UNC5A: variants seen among roughly 807,000 people sequenced by gnomAD.
The protein encoded by UNC5A is unc-5 netrin receptor A.
Under a neutral mutation model 87.4 loss-of-function variants are expected in UNC5A, and 20 were observed. That is an observed-to-expected ratio of 0.23 (90% CI 0.16 to 0.33). UNC5A has a LOEUF of 0.33. Ranked by LOEUF, UNC5A falls within the 10% of genes least tolerant of loss-of-function variation. The pLI, the probability that UNC5A is intolerant of heterozygous loss-of-function variation, is 1.00. For missense variants in UNC5A, 844 were observed against 1,133.4 expected, an observed-to-expected ratio of 0.74 and a Z score of 3.67; for synonymous variants, 438 against 482.3, an observed-to-expected ratio of 0.91 and a Z score of 1.20.
chr5:176,821,946 C>CT (rs1375229761), intron 1 of UNC5A, among the ~76,000 whole-genome samples: 1 of 152,234 alleles, frequency 6.6e-6, no homozygotes, highest in Non-Finnish European at 1.5e-5. Flanking sequence ...CCCTCCTGGA[C>CT]TTTAGACTCT....
At chr5:176,858,028 C>G (rs978523965) in intron 1 of UNC5A, among the ~76,000 whole-genome samples, 3 of 152,238 alleles carry the variant, frequency 2.0e-5, no homozygotes, top group Admixed American at 6.5e-5. Context: ...TGTGTCCGCC[C>G]TGGCAGTGTT....
chr5:176,829,560 A>AGATGGATG (rs111829154), intron 1 of UNC5A, among the ~76,000 whole-genome samples: 4 of 111,654 alleles, frequency 3.6e-5, no homozygotes, highest in African/African-American at 1.4e-4. Context: ...GACGTATGAA[A>AGATGGATG]GATGGATGGA....
intron 1 of UNC5A, among the ~76,000 whole-genome samples, chr5:176,827,793 T>C (rs1371211348): frequency 2.0e-5 from 3 of 152,248 alleles, no homozygotes; most frequent in Non-Finnish European, 2.9e-5. Flanking sequence ...AGTTTCTCCA[T>C]GTCCTGATTC....
At chr5:176,831,885 C>CTTTTTT (rs10580672) in intron 1 of UNC5A, among the ~76,000 whole-genome samples, 1 of 27,662 alleles carries the variant, frequency 3.6e-5, no homozygotes, top group African/African-American at 6.1e-5. Context: ...TTCTCTCTCT[C>CTTTTTT]TTTTTTTTTT....
chr5:176,868,933 C>A lies in UNC5A; in HGVS notation c.690C>A (p.Arg230=), dbSNP rs1255686847. Residue 230 remains arginine (R), a synonymous_variant, in exon 5 of 15, where the codon CGC becomes CGA. Coordinates refer to ENST00000329542, the MANE Select transcript of UNC5A (RefSeq NM_133369.3). ...TGGCCAAGAACATCGTGGCACGTCG[C>A]CGCAGCGCCTCCGCTGCTGTCATCG... ...TCVAKNIVAR[R]RSASAAVIVY... is the part of the protein sequence containing the mutation. 2 of 1,611,228 alleles carry A rather than the reference C, an allele frequency of 1.2e-6. No individual in the cohort carries two copies. The highest frequency in any genetic ancestry group is 4.5e-5 in the East Asian group (2 of 44,828).
chr5:176,813,210 CA>C (rs2113575030), intron 1 of UNC5A, among the ~76,000 whole-genome samples: 1 of 152,354 alleles, frequency 6.6e-6, no homozygotes, highest in African/African-American at 2.4e-5. Context: ...TGCAAACCCC[CA>C]CCCTGCCCCT....
intron 1 of UNC5A, among the ~76,000 whole-genome samples, chr5:176,837,516 G>A (rs1318246586): frequency 3.3e-5 from 5 of 152,182 alleles, no homozygotes; most frequent in South Asian, 2.1e-4. Context: ...GGTACCCGAG[G>A]CCAGATGGAT....
At chr5:176,853,966 T>C (rs1048491624) in intron 1 of UNC5A, among the ~76,000 whole-genome samples, 1 of 152,154 alleles carries the variant, frequency 6.6e-6, no homozygotes, top group African/African-American at 2.4e-5. Context: ...ATGAGAACAA[T>C]GAGGCTCTAG....
At chr5:176,853,479 C>T (rs965473769) in intron 1 of UNC5A, among the ~76,000 whole-genome samples, 1 of 152,202 alleles carries the variant, frequency 6.6e-6, no homozygotes, top group Non-Finnish European at 1.5e-5. Context: ...CTCCTGTGTC[C>T]GTCCTTGTGA....
chr5:176,820,265 C>T (rs1237739537), intron 1 of UNC5A, among the ~76,000 whole-genome samples: 4 of 152,054 alleles, frequency 2.6e-5, no homozygotes, highest in African/African-American at 4.8e-5. Context: ...GGCGTGGTGG[C>T]GGGCACCTGT....
Position 176,869,485 on chromosome 5 carries a change from C to T in UNC5A, c.721+521C>T. The T allele has an allele frequency of 1.7e-6, 1 of 585,862 alleles. No homozygotes were observed. The highest frequency in any genetic ancestry group is 3.1e-6 in the Non-Finnish European group (1 of 325,636). The allele number at this position is 585,862 out of a possible 1,614,324, so 36.3% of individuals were successfully genotyped here. A position where few individuals can be genotyped will look rare whatever the true frequency, so the allele number is the denominator to read the frequency against. ...ACGAGCATGGCCTCCCCCAGGCCTT[C>T]TCTCCCAGCTCAGCCACAGCCCACC... On this transcript the variant is annotated intron_variant, in intron 5 of 14. Coordinates refer to ENST00000329542, the MANE Select transcript of UNC5A (RefSeq NM_133369.3). This position sits in a 1 kb window ranked among gnomAD's most constrained non-coding sequence, Gnocchi z 9.1.
At chr5:176,818,978 G>T (rs753099102) in intron 1 of UNC5A, among the ~76,000 whole-genome samples, 3 of 152,202 alleles carry the variant, frequency 2.0e-5, no homozygotes, top group Admixed American at 2.0e-4. Context: ...TTCTTCAGGC[G>T]ACTGGGACTG....
At position 176,844,380 on chromosome 5, in the gene UNC5A, T is replaced by C. The variant is rs749983578; in HGVS notation, c.71-18244T>C. Among the ~76,000 whole-genome samples, 2 of 152,068 alleles carry C rather than the reference T, an allele frequency of 1.3e-5. No homozygotes were observed. The highest frequency in any genetic ancestry group is 2.4e-5 in the African/African-American group (1 of 41,416). ...CTGTGCAGGGCCCAGCCTCACTCTG[T>C]TCTCCTGGGCCTTCCCTGTGCCAGG... On this transcript the variant is annotated intron_variant, in intron 1 of 14. Transcript: ENST00000329542. The surrounding 1 kb of genome is among the most constrained non-coding windows in gnomAD (Gnocchi z 4.2).
chr5:176,878,423 A>G (rs371290648), intron 12 of UNC5A, 30 bp downstream of exon 12: 1 of 1,612,288 alleles, frequency 6.2e-7, no homozygotes, highest in African/African-American at 1.3e-5. Context: ...CCAGCGCACA[A>G]GAGGCCTGGA....
chr5:176,852,261 ACACACAGAAACACACATACAC>A (rs952377354), intron 1 of UNC5A, among the ~76,000 whole-genome samples: 11 of 152,088 alleles, frequency 7.2e-5, no homozygotes, highest in South Asian at 2.1e-4. Context: ...CACACACCAC[ACACACAGAAACACACATACAC>A]CACACAGAAA....
intron 1 of UNC5A, among the ~76,000 whole-genome samples, chr5:176,847,716 A>T (rs967982302): frequency 6.6e-6 from 1 of 151,992 alleles, no homozygotes; most frequent in Non-Finnish European, 1.5e-5. Context: ...GGCCCACAGT[A>T]TATTTTTATT....
chr5:176,862,567 G>A, intron 1 of UNC5A, 57 bp from the exon 2 acceptor site: 2 of 1,533,516 alleles, frequency 1.3e-6, no homozygotes, highest in Non-Finnish European at 1.8e-6. Context: ...CTGAGCCGCT[G>A]CCTCTACCCT....
Position 176,823,740 on chromosome 5 carries a change from G to A in UNC5A, c.70+12920G>A, listed in dbSNP as rs569292307. 2.5e-4 allele frequency among the ~76,000 whole-genome samples: 38 copies of A among 151,824 alleles called. No homozygotes were observed. The Middle Eastern group carries it at 0.01, about 41-fold the overall frequency. On this transcript the variant is annotated intron_variant, in intron 1 of 14. Coordinates refer to ENST00000329542, the MANE Select transcript of UNC5A (RefSeq NM_133369.3). The stretch of plus-strand genomic sequence containing the variant: ...GGGGCAGGTGGCCTCGGTGAGTCTC[G>A]GTGGGAAAAGGGAAAGGACGGCTGG...
chr5:176,826,647 T>A (rs896336542), intron 1 of UNC5A, among the ~76,000 whole-genome samples: 37 of 146,414 alleles, frequency 2.5e-4, no homozygotes, highest in African/African-American at 8.8e-4. Context: ...TTTTTTTTTT[T>A]TTTTTTTTTT....
Sources: allele counts gnomAD v4.1 joint callset (sites outside exome capture counted in the v4.1 genomes callset), GRCh38; gene constraint gnomAD v4.1.1; non-coding constraint Gnocchi (gnomAD v3.1); transcripts MANE v1.5; gene names NCBI Gene and HGNC (gene_info 2026-07-23, HGNC 2026-07-21).